PPP4R2: variants seen among roughly 807,000 people sequenced by gnomAD.
PPP4R2 encodes the protein serine/threonine-protein phosphatase 4 regulatory subunit 2.
A neutral mutation model predicts 47.2 loss-of-function variants in PPP4R2; 13 were observed. That is an observed-to-expected ratio of 0.28 (90% CI 0.18 to 0.44). PPP4R2 has a LOEUF of 0.44. Among genes scored for constraint, PPP4R2 ranks in the 20% least tolerant of loss-of-function variants. The pLI is 1.00. For synonymous variants in PPP4R2, 151 were observed against 163.3 expected, an observed-to-expected ratio of 0.92 and a Z score of 0.57; for missense variants, 421 against 491.2, an observed-to-expected ratio of 0.86 and a Z score of 1.35.
rs373842049 is a variant in PPP4R2, at chr3:73,063,338, A to AAAAAAG, written c.420-333_420-332insAAAGAA. The stretch of plus-strand genomic sequence containing the variant: ...TTATTTAAAAAAAAAAAAAAAAAAA[A>AAAAAAG]AAGTCCAGGTGTGGTGGCTTAACGC... On this transcript the variant is annotated intron_variant, in intron 5 of 8. Transcript: ENST00000356692. The AAAAAAG allele has an allele frequency of 3.6e-4, 63 of 172,798 alleles. 8 individuals carry two copies. The highest frequency in any genetic ancestry group is 2.9e-3 in the Middle Eastern group (1 of 344). 10.7% of individuals were successfully genotyped at this position (172,798 alleles called of 1,614,324 possible). A position where few individuals can be genotyped will look rare whatever the true frequency, so the allele number is the denominator to read the frequency against.
In PPP4R2 at chr3:72,996,930, G is replaced by C; in HGVS notation, c.-108G>C. The C allele has an allele frequency of 1.2e-6, 1 of 823,214 alleles. No homozygotes were observed. The highest frequency in any genetic ancestry group is 3.4e-5 in the East Asian group (1 of 29,836). The allele number at this position is 823,214 out of a possible 1,614,324, so 51.0% of individuals were successfully genotyped here. ...TCCCCCCCCCGGTCGCCTGCGTGCC[G>C]GAGTGTGTGCGAGGGAGGGGGAGGG... On this transcript the variant is annotated 5_prime_UTR_variant, in exon 1 of 9. Transcript: ENST00000356692.
intron 3 of PPP4R2, among the ~76,000 whole-genome samples, chr3:73,052,233 ATTTC>A (rs1312733155): frequency 3.8e-4 from 45 of 117,830 alleles, no homozygotes; most frequent in Middle Eastern, 4.3e-3. Flanking sequence ...GGAATGCTTA[ATTTC>A]TTTCTTTTCT....
At chr3:73,002,629 C>CTTTCTTTT (rs1701496334) in intron 2 of PPP4R2, among the ~76,000 whole-genome samples, 3 of 83,002 alleles carry the variant, frequency 3.6e-5, no homozygotes, top group South Asian at 3.4e-4. Flanking sequence ...CTTTTCTTTT[C>CTTTCTTTT]TTTTCTTTTT....
In PPP4R2 at chr3:72,996,912, C is replaced by G. The variant is rs373081433; in HGVS notation, c.-126C>G. The stretch of plus-strand genomic sequence containing the variant: ...CCCCCGGCTCCCTTCGTTTCCCCCC[C>G]CCGGTCGCCTGCGTGCCGGAGTGTG... On this transcript the variant is annotated 5_prime_UTR_variant, in exon 1 of 9. Transcript: ENST00000356692. The G allele has an allele frequency of 1.0e-4, 61 of 596,106 alleles. 1 individual carries two copies. Among genetic ancestry groups the G allele is most frequent in the South Asian group, 5.9e-4 (9 of 15,286 alleles). 36.9% of individuals were successfully genotyped at this position (596,106 alleles called of 1,614,324 possible). A position where few individuals can be genotyped will look rare whatever the true frequency, so the allele number is the denominator to read the frequency against.
At chr3:73,016,622 ATT>A (rs747694928) in intron 2 of PPP4R2, among the ~76,000 whole-genome samples, 117 of 152,114 alleles carry the variant, frequency 7.7e-4, no homozygotes, top group Admixed American at 6.5e-5. Context: ...TCAGAATTCT[ATT>A]TGAGACGGTA....
chr3:73,054,073 A>G (rs1702677916), intron 3 of PPP4R2, among the ~76,000 whole-genome samples: 1 of 152,058 alleles, frequency 6.6e-6, no homozygotes, highest in Admixed American at 6.5e-5. Flanking sequence ...TGCATCAACC[A>G]TGCCCGGCTA....
chr3:73,058,219 A>G (rs1458403263), intron 3 of PPP4R2, among the ~76,000 whole-genome samples: 1 of 152,144 alleles, frequency 6.6e-6, no homozygotes. Flanking sequence ...AAAGTTGTGT[A>G]TATTTTAAGT....
chr3:73,058,994 GA>G (rs1702787904), intron 3 of PPP4R2, 42 bp from the exon 4 acceptor site: 1 of 1,163,878 alleles, frequency 8.6e-7, no homozygotes, highest in Non-Finnish European at 1.3e-6. Context: ...TCGTTTTCTT[GA>G]TTATCAGTGA....
chr3:73,051,904 C>T (rs1485457246), intron 3 of PPP4R2, among the ~76,000 whole-genome samples: 2 of 152,170 alleles, frequency 1.3e-5, no homozygotes, highest in Non-Finnish European at 2.9e-5. Context: ...GGATTACAGG[C>T]GTGAACCACT....
chr3:73,013,767 T>G (rs1323089492), intron 2 of PPP4R2, among the ~76,000 whole-genome samples: 1 of 151,758 alleles, frequency 6.6e-6, no homozygotes, highest in South Asian at 2.1e-4. Flanking sequence ...GCCTCCCGAG[T>G]AGGTGGGATT....
At chr3:73,046,888 T>C (rs1052465557) in intron 2 of PPP4R2, among the ~76,000 whole-genome samples, 3 of 152,154 alleles carry the variant, frequency 2.0e-5, no homozygotes, top group African/African-American at 7.2e-5. Flanking sequence ...AAATATTATT[T>C]TAAACATACT....
chr3:73,025,435 G>A (rs1702044762), intron 2 of PPP4R2, among the ~76,000 whole-genome samples: 1 of 152,074 alleles, frequency 6.6e-6, no homozygotes, highest in African/African-American at 2.4e-5. Context: ...TCTTGATACT[G>A]TAGCTTCTGT....
chr3:73,019,292 A>T (rs1460217165), intron 2 of PPP4R2, among the ~76,000 whole-genome samples: 1 of 152,212 alleles, frequency 6.6e-6, no homozygotes. Flanking sequence ...CATTTCTCAG[A>T]ACATACCCTC....
intron 2 of PPP4R2, among the ~76,000 whole-genome samples, chr3:73,044,625 AT>A (rs1241216388): frequency 1.1e-3 from 163 of 152,100 alleles, no homozygotes; most frequent in African/African-American, 3.8e-3. Flanking sequence ...TGGCCAGCCA[AT>A]ACTTGTTCAC....
chr3:73,049,505 A>G (rs1018688223), intron 3 of PPP4R2, among the ~76,000 whole-genome samples: 1 of 151,862 alleles, frequency 6.6e-6, no homozygotes, highest in African/African-American at 2.4e-5. Flanking sequence ...TCTCAAAAAA[A>G]AAGAGAATAC....
At position 73,065,420 on chromosome 3, in the gene PPP4R2, A is replaced by G. The variant is rs373554229; in HGVS notation, c.952A>G (p.Met318Val). The change falls in exon 9 of 9, where the codon ATG becomes GTG. Residue 318 changes from methionine to valine, a missense_variant. Met to Val is a conservative substitution (Grantham distance 21). Coordinates refer to ENST00000356692, the MANE Select transcript of PPP4R2 (RefSeq NM_174907.4). ...AGAGTCTTTTATGACATCAAGAGAA[A>G]TGATCCCAGAAAGAAAAAATCAAGA... ...EEESFMTSRE[M>V]IPERKNQEKE... The G allele has an allele frequency of 6.2e-7, 1 of 1,601,878 alleles. No individual in the cohort carries two copies. The highest frequency in any genetic ancestry group is 8.5e-7 in the Non-Finnish European group (1 of 1,174,760).
In PPP4R2 at chr3:73,065,127, A is replaced by T; in HGVS notation, c.914A>T (p.Glu305Val). 1.2e-6 allele frequency: 2 copies of T among 1,608,744 alleles called. No homozygotes were observed. The highest frequency in any genetic ancestry group is 1.7e-6 in the Non-Finnish European group (2 of 1,177,718). Residue 305 changes from glutamate to valine, a missense_variant, in exon 8 of 9, where the codon GAA (glutamate) becomes GTA (valine). This residue lies in a region of PPP4R2 where 317 missense variants were observed against 287.5 expected (regional missense o/e 1.10). Coordinates refer to ENST00000356692, the MANE Select transcript of PPP4R2 (RefSeq NM_174907.4). ...HCTEEDEEED[E>V]EEEEESFMTS... The stretch of plus-strand genomic sequence containing the variant: ...ACAGAAGAGGATGAAGAAGAGGATG[A>T]AGAGGAAGAAGAAGGTATTTAGAGA...
chr3:73,065,298 G>C, intron 8 of PPP4R2, 99 bp from the exon 9 acceptor site: 1 of 1,334,370 alleles, frequency 7.5e-7, no homozygotes, highest in Non-Finnish European at 1.0e-6. Context: ...AATTTCAGGG[G>C]ATGTGATTTG....
chr3:73,062,924 A>G (rs1217138737), intron 5 of PPP4R2: 2 of 1,587,490 alleles, frequency 1.3e-6, no homozygotes, highest in East Asian at 4.5e-5. Context: ...ACAGATGACA[A>G]CCTATTAATG....
Sources: gnomAD v4.1 joint callset for allele counts (sites outside exome capture counted in the v4.1 genomes callset) on GRCh38, gnomAD v4.1.1 for gene constraint, gnomAD v4.1.1 regional missense constraint, MANE v1.5 for transcripts, NCBI Gene and HGNC (gene_info 2026-07-23, HGNC 2026-07-21) for gene names.